EPAS1: variants seen among roughly 807,000 people sequenced by gnomAD.
The protein encoded by EPAS1 is endothelial PAS domain-containing protein 1.
Under a neutral mutation model 87.9 loss-of-function variants are expected in EPAS1, and 23 were observed. The ratio of observed to expected loss-of-function variants is 0.26; its 90% CI spans 0.19 to 0.37. The LOEUF (loss-of-function observed/expected upper bound fraction) is 0.37. Ranked by LOEUF, EPAS1 falls within the 10% of genes least tolerant of loss-of-function variation. The probability of loss-of-function intolerance (pLI) is 1.00; values close to 1 mark genes in which losing one functional copy is unlikely to be tolerated. For missense variants in EPAS1, 1,138 were observed against 1,120.7 expected, an observed-to-expected ratio of 1.02 and a Z score of -0.22; for synonymous variants, 508 against 444.3, an observed-to-expected ratio of 1.14 and a Z score of -1.80.
chr2:46,370,685 A>G (rs1413968201), intron 7 of EPAS1, among the ~76,000 whole-genome samples: 1 of 152,222 alleles, frequency 6.6e-6, no homozygotes, highest in Admixed American at 6.5e-5. Flanking sequence ...TGAACTTTAT[A>G]CAATGTAGTT....
At chr2:46,340,348 C>A (rs1266746788) in intron 1 of EPAS1, among the ~76,000 whole-genome samples, 1 of 152,190 alleles carries the variant, frequency 6.6e-6, no homozygotes, top group African/African-American at 2.4e-5. Context: ...TCCAGGGACA[C>A]AGACCGTTAG....
intron 1 of EPAS1, among the ~76,000 whole-genome samples, chr2:46,326,775 G>C (rs1168070337): frequency 6.6e-6 from 1 of 152,158 alleles, no homozygotes; most frequent in Non-Finnish European, 1.5e-5. Context: ...CGAGCATACA[G>C]GTGATCATAC....
chr2:46,303,750 GA>G (rs1683056133), intron 1 of EPAS1, among the ~76,000 whole-genome samples: 1 of 152,226 alleles, frequency 6.6e-6, no homozygotes, highest in African/African-American at 2.4e-5. Flanking sequence ...CTAGGATATG[GA>G]AAAGGCAAGC....
At position 46,380,185 on chromosome 2, in the gene EPAS1, T is replaced by A; in HGVS notation, c.1555-42T>A. The A allele has an allele frequency of 1.9e-6, 3 of 1,602,008 alleles. No homozygotes were observed. Among genetic ancestry groups the A allele is most frequent in the Non-Finnish European group, 2.5e-6 (3 of 1,179,926 alleles). ...AGTTGGAATAGTGTTTGTGAGGTCG[T>A]ACCAACCCCCTTGCCTCTTTGCCGG... is the stretch of plus-strand genomic sequence containing the variant. On this transcript the variant is annotated intron_variant, in intron 11 of 15. Transcript: ENST00000263734. This position sits in a 1 kb window ranked among gnomAD's most constrained non-coding sequence, Gnocchi z 4.4.
At chr2:46,329,019 C>G (rs1278739104) in intron 1 of EPAS1, among the ~76,000 whole-genome samples, 1 of 152,232 alleles carries the variant, frequency 6.6e-6, no homozygotes, top group Non-Finnish European at 1.5e-5. Flanking sequence ...TAATGAGCCT[C>G]TGGGAAAGTG....
At chr2:46,308,681 T>G (rs539959187) in intron 1 of EPAS1, among the ~76,000 whole-genome samples, 1 of 152,288 alleles carries the variant, frequency 6.6e-6, no homozygotes, top group Non-Finnish European at 1.5e-5. Flanking sequence ...TAACTTTATA[T>G]CAGATGCAAA....
chr2:46,376,954 C>G (rs984912575), intron 9 of EPAS1, among the ~76,000 whole-genome samples: 1 of 152,172 alleles, frequency 6.6e-6, no homozygotes, highest in Non-Finnish European at 1.5e-5. Flanking sequence ...TAAGACCATC[C>G]CATATCCGAC....
chr2:46,382,779 A>G (rs1407189711), intron 15 of EPAS1, among the ~76,000 whole-genome samples, 181 bp downstream of exon 15: 2 of 152,240 alleles, frequency 1.3e-5, no homozygotes, highest in African/African-American at 4.8e-5. Flanking sequence ...TCCTTGTGAC[A>G]TCAGTGATCA....
intron 15 of EPAS1, 128 bp from the exon 16 acceptor site, chr2:46,384,381 C>A: frequency 7.5e-7 from 1 of 1,339,202 alleles, no homozygotes; most frequent in Non-Finnish European, 1.1e-6. Context: ...GGCCGTGGGA[C>A]AGACACCACT....
At chr2:46,315,011 A>G (rs1683283690) in intron 1 of EPAS1, among the ~76,000 whole-genome samples, 1 of 152,126 alleles carries the variant, frequency 6.6e-6, no homozygotes, top group South Asian at 2.1e-4. Flanking sequence ...AGCACCCTCA[A>G]CTAGGTCACA....
chr2:46,314,283 C>G (rs1363639277), intron 1 of EPAS1, among the ~76,000 whole-genome samples: 1 of 152,200 alleles, frequency 6.6e-6, no homozygotes, highest in Non-Finnish European at 1.5e-5. Flanking sequence ...ACTGTCGGTT[C>G]TTACCACAAT....
intron 6 of EPAS1, among the ~76,000 whole-genome samples, chr2:46,368,970 T>A (rs1366218111): frequency 6.6e-6 from 1 of 152,210 alleles, no homozygotes; most frequent in African/African-American, 2.4e-5. Flanking sequence ...CTAAGAATGT[T>A]AAGTGATTCT....
Position 46,300,351 on chromosome 2 carries a change from C to A in EPAS1, c.26+2414C>A, listed in dbSNP as rs1572609705. On this transcript the variant is annotated intron_variant, in intron 1 of 15. Transcript: ENST00000263734. The surrounding 1 kb of genome is among the most constrained non-coding windows in gnomAD (Gnocchi z 4.1). ...GGTTTAGCAGAGCAGTTTCTTCCCCCAAATGCAATATGGGCAGAACATTTG... is the reference window on the plus strand; with the variant it reads ...GGTTTAGCAGAGCAGTTTCTTCCCCAAAATGCAATATGGGCAGAACATTTG... Among the ~76,000 whole-genome samples, 1 of 152,180 alleles carries A rather than the reference C, an allele frequency of 6.6e-6. No individual in the cohort carries two copies. Among genetic ancestry groups the A allele is most frequent in the Non-Finnish European group, 1.5e-5 (1 of 68,036 alleles).
rs371583567 is a variant in EPAS1, at chr2:46,346,412, T to C, written c.27-461T>C. Among the ~76,000 whole-genome samples, 5 of 152,240 alleles carry C rather than the reference T, an allele frequency of 3.3e-5. No individual in the cohort carries two copies. The highest frequency in any genetic ancestry group is 1.2e-4 in the African/African-American group (5 of 41,462). ...AGTACTACTCTTAATTTTTTCTGAT[T>C]GTGTCTTATGCAGAAAAAGAACCTT... On this transcript the variant is annotated intron_variant, in intron 1 of 15. Coordinates refer to ENST00000263734, the MANE Select transcript of EPAS1 (RefSeq NM_001430.5). The surrounding 1 kb of genome is among the most constrained non-coding windows in gnomAD (Gnocchi z 4.0).
At chr2:46,320,970 G>T (rs9973653) in intron 1 of EPAS1, among the ~76,000 whole-genome samples, 62,618 of 152,010 alleles carry the variant, frequency 0.41, 14,503 homozygotes, top group African/African-American at 0.63. Flanking sequence ...TGGGCTACAA[G>T]CACCACTGCT....
chr2:46,332,229 C>T (rs1342189691), intron 1 of EPAS1, among the ~76,000 whole-genome samples: 1 of 150,754 alleles, frequency 6.6e-6, no homozygotes, highest in East Asian at 2.0e-4. Flanking sequence ...AGTTTCAGTT[C>T]CCTGTCACCT....
chr2:46,320,043 T>C (rs1048653835), intron 1 of EPAS1, among the ~76,000 whole-genome samples: 3 of 152,248 alleles, frequency 2.0e-5, no homozygotes, highest in Non-Finnish European at 4.4e-5. Context: ...GCAAATGATC[T>C]ATTACAACAA....
In EPAS1 at chr2:46,302,865, A is replaced by G. The variant is rs150275173; in HGVS notation, c.26+4928A>G. 6.0e-3 allele frequency among the ~76,000 whole-genome samples: 913 copies of G among 152,100 alleles called. 14 individuals carry two copies. The highest frequency in any genetic ancestry group is 0.021 in the African/African-American group (871 of 41,486). ...GAGGCAGGCAGATCACGAGGTCAGG[A>G]GTTTGAGACCAGCCTGGCCAATATG... On this transcript the variant is annotated intron_variant, in intron 1 of 15. Coordinates refer to ENST00000263734, the MANE Select transcript of EPAS1 (RefSeq NM_001430.5).
chr2:46,299,141 C>G (rs189717104), intron 1 of EPAS1, among the ~76,000 whole-genome samples: 24 of 152,248 alleles, frequency 1.6e-4, no homozygotes, highest in African/African-American at 5.8e-4. Context: ...TTGATTTGCT[C>G]TTGTTCCAAC....
Sources: gnomAD v4.1 joint callset for allele counts (sites outside exome capture counted in the v4.1 genomes callset) on GRCh38, gnomAD v4.1.1 for gene constraint, Gnocchi (gnomAD v3.1) non-coding constraint, MANE v1.5 for transcripts, NCBI Gene and HGNC (gene_info 2026-07-23, HGNC 2026-07-21) for gene names.